Variants in NOSTRIN observed in about 807,000 individuals in gnomAD.
NOSTRIN encodes BM247 homolog.
NOSTRIN carries 63 observed loss-of-function variants against 59.0 expected under a neutral mutation model. The ratio of observed to expected loss-of-function variants is 1.07; its 90% CI spans 0.87 to 1.32. The LOEUF is 1.32. Ranked by LOEUF, NOSTRIN falls within the 40% of genes most tolerant of loss-of-function variation. NOSTRIN has a pLI of 0.00. For synonymous variants in NOSTRIN, 200 were observed against 165.4 expected (o/e 1.21, Z -1.61); for missense variants, 512 against 473.1 (o/e 1.08, Z -0.76).
At chr2:168,817,513 T>A (rs1686477633) in intron 2 of NOSTRIN, among the ~76,000 whole-genome samples, 1 of 151,220 alleles carries the variant, frequency 6.6e-6, no homozygotes, top group South Asian at 2.1e-4. Flanking sequence ...TGCATAAAAT[T>A]TTGTTTCCCT....
rs1203275279 is a variant in NOSTRIN at position 168,809,707 on chromosome 2, GATA to G, written c.28-1852_28-1850del. On this transcript the variant is annotated intron_variant, in intron 1 of 15. Coordinates refer to ENST00000317647, the MANE Select transcript of NOSTRIN (RefSeq NM_001039724.4). ...GTATCAGACCATTCATATATGGTCT[GATA>G]ATAATAAATATATTATTATATTATT... Among the ~76,000 whole-genome samples, 3 of 147,160 alleles carry G rather than the reference GATA, an allele frequency of 2.0e-5. No individual in the cohort carries two copies. The East Asian group carries it at 5.9e-4, about 29-fold the overall frequency.
intron 13 of NOSTRIN, 42 bp from the exon 14 acceptor site, chr2:168,860,753 T>C: frequency 8.4e-7 from 1 of 1,186,376 alleles, no homozygotes; most frequent in Non-Finnish European, 1.3e-6. Context: ...ATGTTTATGA[T>C]AATCGTGTTA....
intron 8 of NOSTRIN, among the ~76,000 whole-genome samples, chr2:168,847,286 G>T (rs1251629885): frequency 6.6e-6 from 1 of 152,086 alleles, no homozygotes; most frequent in Non-Finnish European, 1.5e-5. Flanking sequence ...GTCACTTCTG[G>T]GTGGAAGAAT....
chr2:168,831,684 T>C, intron 6 of NOSTRIN, 150 bp downstream of exon 6: 2 of 591,854 alleles, frequency 3.4e-6, no homozygotes, highest in South Asian at 2.2e-5. Flanking sequence ...GTTACACAGA[T>C]ATATTTTTCA....
At chr2:168,864,735 G>A (rs1689746076) in intron 15 of NOSTRIN, 99 bp from the exon 16 acceptor site, 5 of 1,401,948 alleles carry the variant, frequency 3.6e-6, no homozygotes, top group Non-Finnish European at 4.9e-6. Context: ...ACACTACCAA[G>A]TAAATCCTTG....
upstream of NOSTRIN, among the ~76,000 whole-genome samples, chr2:168,799,727 C>T (rs1261412422): frequency 1.3e-5 from 2 of 152,196 alleles, no homozygotes; most frequent in Admixed American, 6.5e-5. Flanking sequence ...AGGTTCAAAA[C>T]GTGTCACCCC....
chr2:168,856,187 A>C, intron 11 of NOSTRIN: 1 of 224,914 alleles, frequency 4.4e-6, no homozygotes, highest in Non-Finnish European at 8.9e-6. Flanking sequence ...AGCACTTCTC[A>C]AATTTCATTA....
intron 8 of NOSTRIN, among the ~76,000 whole-genome samples, chr2:168,849,824 C>G (rs951645241): frequency 6.6e-6 from 1 of 152,056 alleles, no homozygotes; most frequent in Non-Finnish European, 1.5e-5. Flanking sequence ...AGCCAGCCTT[C>G]TCTAAGAATG....
Position 168,834,238 on chromosome 2 carries a change from A to G in NOSTRIN, c.417A>G (p.Lys139=), listed in dbSNP as rs13384876. 0.014 allele frequency: 12,349 copies of G among 872,644 alleles called. 860 individuals are homozygous for G. In the African/African-American group the frequency reaches 0.16, roughly 12 times the overall value. The allele number at this position is 872,644 out of a possible 1,614,324, so 54.1% of individuals were successfully genotyped here. ...NWNQQIKAKK[K]LMVSTKKHEA... ...GTTTTTTACTCTAGGCCAAGAAGAA[A>G]TTAATGGTTAGTACCAAGAAACATG... The change falls in exon 7 of 16, where the codon AAA becomes AAG. Residue 139 remains lysine (K), a synonymous_variant. Coordinates refer to ENST00000317647, the MANE Select transcript of NOSTRIN (RefSeq NM_001039724.4).
chr2:168,844,715 A>G (rs1259977545), intron 8 of NOSTRIN, among the ~76,000 whole-genome samples: 27 of 152,068 alleles, frequency 1.8e-4, no homozygotes, highest in Admixed American at 1.8e-3. Context: ...CTAAAAATAG[A>G]AAAAATTAGC....
At chr2:168,857,347 G>T (rs1322544134) in intron 12 of NOSTRIN, among the ~76,000 whole-genome samples, 1 of 152,196 alleles carries the variant, frequency 6.6e-6, no homozygotes, top group Non-Finnish European at 1.5e-5. Context: ...GAATAACAGG[G>T]GAAAGGAAAG....
chr2:168,855,606 A>AAC, intron 11 of NOSTRIN, 146 bp downstream of exon 11: 9 of 100,166 alleles, frequency 9.0e-5, no homozygotes, highest in Admixed American at 3.0e-4. Flanking sequence ...TTGTGTGAAC[A>AAC]AAAAAAAAAA....
chr2:168,841,235 CAAAAAAAAAAAAAA>C lies in NOSTRIN; in HGVS notation c.505-1744_505-1731del, dbSNP rs57480764. On this transcript the variant is annotated intron_variant, in intron 7 of 15. Transcript: ENST00000317647. ...GGGTGACAGAGCCAGACCCTGTCTC[CAAAAAAAAAAAAAA>C]AAAAAAAAAAAAGAAAAGAAAAAGA... 6.8e-4 allele frequency among the ~76,000 whole-genome samples: 72 copies of C among 106,568 alleles called. 1 individual carries two copies. Among genetic ancestry groups the C allele is most frequent in the Admixed American group, 1.7e-3 (17 of 10,062 alleles). 69.9% of individuals were successfully genotyped at this position (106,568 alleles called of 152,430 possible).
chr2:168,851,511 TG>T, intron 10 of NOSTRIN, 107 bp downstream of exon 10: 1 of 1,451,800 alleles, frequency 6.9e-7, no homozygotes, highest in Non-Finnish European at 9.2e-7. Context: ...TCAATGAAAA[TG>T]ATTTCTCATA....
intron 2 of NOSTRIN, among the ~76,000 whole-genome samples, chr2:168,790,362 T>C (rs557957296): frequency 8.5e-5 from 13 of 152,280 alleles, no homozygotes; most frequent in African/African-American, 3.1e-4. Flanking sequence ...CACCACAAAA[T>C]ATTTACTAAC....
intron 5 of NOSTRIN, 27 bp downstream of exon 5, chr2:168,828,528 C>G (rs369890707): frequency 2.9e-5 from 24 of 817,226 alleles, no homozygotes; most frequent in East Asian, 2.8e-4. Context: ...CTTTACTCTT[C>G]CTGTTTAAAG....
chr2:168,826,799 T>A (rs987665075), intron 3 of NOSTRIN, among the ~76,000 whole-genome samples: 3 of 152,226 alleles, frequency 2.0e-5, no homozygotes, highest in African/African-American at 7.2e-5. Context: ...TTGACATATG[T>A]AAATACCCTG....
chr2:168,856,798 AT>A lies in NOSTRIN; in HGVS notation c.1053+23del. ...GATGAGGTAAATGTTTGCCGAGTGC[AT>A]TTCCTAGATGTAGTGATGAAAAGGG... On this transcript the variant is annotated intron_variant, in intron 12 of 15. Transcript: ENST00000317647. 6.2e-7 allele frequency: 1 copy of A among 1,606,408 alleles called. No homozygotes were observed. Among genetic ancestry groups the A allele is most frequent in the Non-Finnish European group, 8.5e-7 (1 of 1,173,026 alleles).
chr2:168,797,082 T>TTCTTTC, upstream of NOSTRIN, among the ~76,000 whole-genome samples: 3 of 65,892 alleles, frequency 4.6e-5, no homozygotes, highest in Admixed American at 3.0e-4. Flanking sequence ...CTTTTTTCTT[T>TTCTTTC]TTTTTTTTTT....
Sources: allele counts gnomAD v4.1 joint callset (sites outside exome capture counted in the v4.1 genomes callset), GRCh38; gene constraint gnomAD v4.1.1; transcripts MANE v1.5; gene names NCBI Gene and HGNC (gene_info 2026-07-23, HGNC 2026-07-21).